The following FERMT3 variants were observed in gnomAD, a reference collection of about 807,000 sequenced individuals.
FERMT3 encodes the protein FERM domain containing kindlin 3.
In FERMT3, 33 loss-of-function variants were observed where a neutral mutation model predicts 80.8. That is an observed-to-expected ratio of 0.41 (90% confidence interval 0.31 to 0.55). The LOEUF is 0.55. Among genes scored for constraint, FERMT3 ranks in the 20% least tolerant of loss-of-function variants. FERMT3 has a pLI of 0.31. For missense variants in FERMT3, 754 were observed against 908.7 expected (o/e 0.83, Z 2.19); for synonymous variants, 375 against 372.2 (o/e 1.01, Z -0.09).
chr11:64,219,767 A>T lies in FERMT3; in HGVS notation c.1057A>T (p.Lys353Ter). The T allele has an allele frequency of 6.2e-7, 1 of 1,613,780 alleles. No individual in the cohort carries two copies. The highest frequency in any genetic ancestry group is 8.5e-7 in the Non-Finnish European group (1 of 1,179,776). The change falls in exon 9 of 15, where the codon AAG becomes TAG. Residue 353 changes from lysine (K) to a stop codon, truncating the protein, a stop_gained. Transcript: ENST00000345728. LOFTEE classifies it high-confidence loss of function. This position sits in a 1 kb window ranked among gnomAD's most constrained non-coding sequence, Gnocchi z 4.0. ...CAGCCTCACCACCATCCCAGAGCTC[A>T]AGGACCATCTCCGAATCTTTCGGTG... is the stretch of plus-strand genomic sequence containing the variant. ...LDSLTTIPEL[K>*]DHLRIFRPRK...
Position 64,211,605 on chromosome 11 carries a change from ACCTGGCGCAG to A in FERMT3, c.684-37_684-28del. 1 of 1,603,634 alleles carries A rather than the reference ACCTGGCGCAG, an allele frequency of 6.2e-7. No individual in the cohort carries two copies. Among genetic ancestry groups the A allele is most frequent in the South Asian group, 1.1e-5 (1 of 90,532 alleles). On this transcript the variant is annotated intron_variant, in intron 5 of 14. Transcript: ENST00000345728. This position sits in a 1 kb window ranked among gnomAD's most constrained non-coding sequence, Gnocchi z 4.7. ...GCCCCCCTCCCCACCCCACGGCCGT[ACCTGGCGCAG>A]CCCTGACTGCTGCTTCTGCCGCGGC...
intron 6 of FERMT3, among the ~76,000 whole-genome samples, chr11:64,216,795 CA>C (rs756054156): frequency 0.028 from 975 of 35,198 alleles, 3 homozygotes; most frequent in African/African-American, 0.086. Flanking sequence ...GACTCCATCT[CA>C]AAAAAAAAAA....
chr11:64,211,466 C>A lies in FERMT3; in HGVS notation c.683+23C>A. ...CAGGTGCACCCAGGAGCCACGCCCC[C>A]TGTGTCAGGGCTCCCCCACCCAGGA... On this transcript the variant is annotated intron_variant, in intron 5 of 14. Transcript: ENST00000345728. This position sits in a 1 kb window ranked among gnomAD's most constrained non-coding sequence, Gnocchi z 4.7. 6.4e-7 allele frequency: 1 copy of A among 1,565,664 alleles called. No individual in the cohort carries two copies.
At position 64,209,140 on chromosome 11, in the gene FERMT3, G is replaced by A. The variant is rs114487469; in HGVS notation, c.161-1471G>A. ...GAGTCCGTGTCCCCCAGCCCTGAGA[G>A]GTGGTGTAGGGAGCTGGTGAGGAGG... On this transcript the variant is annotated intron_variant, in intron 2 of 14. Transcript: ENST00000345728. Among the ~76,000 whole-genome samples, 611 of 152,308 alleles carry A rather than the reference G, an allele frequency of 4.0e-3. 1 individual carries two copies. The highest frequency in any genetic ancestry group is 0.014 in the African/African-American group (573 of 41,560).
intron 13 of FERMT3, among the ~76,000 whole-genome samples, chr11:64,222,273 AAATAAAT>A: frequency 6.7e-6 from 1 of 149,092 alleles, no homozygotes; most frequent in East Asian, 2.0e-4. Context: ...ATAAATAAAT[AAATAAAT>A]AAAAGAGCCT....
chr11:64,221,731 A>G (rs761756522), intron 13 of FERMT3, among the ~76,000 whole-genome samples: 7 of 144,152 alleles, frequency 4.9e-5, no homozygotes, highest in Non-Finnish European at 1.1e-4. Flanking sequence ...GTTCAAGAGC[A>G]GCCTGGCCAA....
intron 6 of FERMT3, among the ~76,000 whole-genome samples, chr11:64,215,673 A>C (rs1187769564): frequency 2.0e-5 from 3 of 152,112 alleles, no homozygotes; most frequent in Non-Finnish European, 4.4e-5. Context: ...TCCTGGGCTC[A>C]AGCAATCTTC....
Position 64,223,127 on chromosome 11 carries a change from G to A in FERMT3, c.1750G>A (p.Val584Met), listed in dbSNP as rs373812392. The A allele has an allele frequency of 6.0e-5, 97 of 1,613,864 alleles. No individual in the cohort carries two copies. The highest frequency in any genetic ancestry group is 1.6e-4 in the Middle Eastern group (1 of 6,084). ...CCGCATCGACTTGGCCGTGGGCGAC[G>A]TGGTCAAGACCTGGCGTTTCAGCAA... The part of the protein sequence containing the change: ...LIRIDLAVGD[V>M]VKTWRFSNMR... The change falls in exon 14 of 15, where the codon GTG (valine) becomes ATG (methionine). Residue 584 changes from valine to methionine, a missense_variant. Val to Met is a conservative substitution (Grantham distance 21). Transcript: ENST00000345728.
At position 64,221,023 on chromosome 11, in the gene FERMT3, C is replaced by T. The variant is rs1213154523; in HGVS notation, c.1553C>T (p.Pro518Leu). Residue 518 changes from proline (P) to leucine (L), a missense_variant, in exon 13 of 15, where the codon CCA becomes CTA. Physicochemically the swap from Pro to Leu is moderately conservative, Grantham distance 98. Coordinates refer to ENST00000345728, the MANE Select transcript of FERMT3 (RefSeq NM_031471.6). The part of the protein sequence containing the change: ...QRKFKAKQLT[P>L]RILEAHQNVA... ...ACCAGTATGGTCCCGCAGCTCACCCCACGGATCCTGGAAGCCCACCAGAAT... is the reference window on the plus strand; with the variant it reads ...ACCAGTATGGTCCCGCAGCTCACCCTACGGATCCTGGAAGCCCACCAGAAT... 6.2e-7 allele frequency: 1 copy of T among 1,612,358 alleles called. No homozygotes were observed. The highest frequency in any genetic ancestry group is 1.3e-5 in the African/African-American group (1 of 74,940).
At chr11:64,212,491 C>T (rs1230345058) in intron 6 of FERMT3, among the ~76,000 whole-genome samples, 1 of 152,212 alleles carries the variant, frequency 6.6e-6, no homozygotes, top group Non-Finnish European at 1.5e-5. Flanking sequence ...ACCATCCACA[C>T]GTGAGAAGTG....
chr11:64,216,538 TG>T (rs1946555198), intron 6 of FERMT3, among the ~76,000 whole-genome samples: 1 of 143,120 alleles, frequency 7.0e-6, no homozygotes, highest in Admixed American at 6.9e-5. Flanking sequence ...GGCTCACGCC[TG>T]TAATCCCAGC....
chr11:64,210,288 A>AG lies in FERMT3; in HGVS notation c.161-318dup. Among the ~76,000 whole-genome samples, 1 of 142,886 alleles carries AG rather than the reference A, an allele frequency of 7.0e-6. No homozygotes were observed. Among genetic ancestry groups the AG allele is most frequent in the East Asian group, 1.9e-4 (1 of 5,170 alleles). 93.7% of individuals were successfully genotyped at this position (142,886 alleles called of 152,430 possible). A position where few individuals can be genotyped will look rare whatever the true frequency, so the allele number is the denominator to read the frequency against. Reference sequence around the variant, plus strand: ...TAAACCGTGGATTATGGGAGGACAGAGGGGGCGTCATGTGGAGGGAGCCCA... The same window carrying AG: ...TAAACCGTGGATTATGGGAGGACAGAGGGGGGCGTCATGTGGAGGGAGCCCA... On this transcript the variant is annotated intron_variant, in intron 2 of 14. Coordinates refer to ENST00000345728, the MANE Select transcript of FERMT3 (RefSeq NM_031471.6). The surrounding 1 kb of genome is among the most constrained non-coding windows in gnomAD (Gnocchi z 4.3).
rs536991493 is a variant in FERMT3, at chr11:64,220,682, G to A, written c.1545+13G>A. On this transcript the variant is annotated intron_variant, in intron 12 of 14. Coordinates refer to ENST00000345728, the MANE Select transcript of FERMT3 (RefSeq NM_031471.6). ...CAAGGCCAAGCAGGTACCAGAAGGC[G>A]TCAGGGTGGGAATGAGCATAGTGTT... The A allele has an allele frequency of 5.0e-5, 80 of 1,601,116 alleles. 3 individuals are homozygous for A. The highest frequency in any genetic ancestry group is 2.5e-4 in the South Asian group (22 of 89,736).
intron 6 of FERMT3, among the ~76,000 whole-genome samples, chr11:64,216,745 G>A (rs1012641073): frequency 1.4e-5 from 2 of 141,428 alleles, no homozygotes; most frequent in South Asian, 4.6e-4. Context: ...GCAGTGAGCC[G>A]AGATCACGCC....
At position 64,219,446 on chromosome 11, in the gene FERMT3, C is replaced by CAGGGAAGCCCGGCCTGG; in HGVS notation, c.895-77_895-61dup. ...GGCCTTCCTGAGTGGGGGCTACCTC[C>CAGGGAAGCCCGGCCTGG]AGGGAAGCCCGGCCTGGGGGTACTG... On this transcript the variant is annotated intron_variant, in intron 7 of 14. Coordinates refer to ENST00000345728, the MANE Select transcript of FERMT3 (RefSeq NM_031471.6). The surrounding 1 kb of genome is among the most constrained non-coding windows in gnomAD (Gnocchi z 4.0). The CAGGGAAGCCCGGCCTGG allele has an allele frequency of 6.4e-7, 1 of 1,558,116 alleles. No homozygotes were observed. Among genetic ancestry groups the CAGGGAAGCCCGGCCTGG allele is most frequent in the Non-Finnish European group, 8.7e-7 (1 of 1,151,478 alleles).
intron 6 of FERMT3, among the ~76,000 whole-genome samples, chr11:64,212,668 A>G (rs1293366350): frequency 6.7e-6 from 1 of 149,664 alleles, no homozygotes; most frequent in Non-Finnish European, 1.5e-5. Flanking sequence ...GCCTCTCCCC[A>G]AGCCACTCTG....
intron 1 of FERMT3, 123 bp from the exon 2 acceptor site, chr11:64,207,228 C>T: frequency 8.5e-7 from 1 of 1,176,566 alleles, no homozygotes; most frequent in Middle Eastern, 2.8e-4. Context: ...TGGGTGCTCA[C>T]TCCCGCCCTC....
At chr11:64,220,750 T>A (rs962962260) in intron 12 of FERMT3, 81 bp downstream of exon 12, 1 of 1,388,050 alleles carries the variant, frequency 7.2e-7, no homozygotes, top group Non-Finnish European at 1.0e-6. Context: ...AGAGCCTTCC[T>A]CAGGAAAGCT....
In FERMT3 at chr11:64,211,335, A is replaced by G; in HGVS notation, c.575A>G (p.Glu192Gly). Residue 192 changes from glutamate to glycine, a missense_variant, in exon 5 of 15, where the codon GAG becomes GGG. Physicochemically the swap from Glu to Gly is moderately conservative, Grantham distance 98 (BLOSUM62 -2). Transcript: ENST00000345728. The surrounding 1 kb of genome is among the most constrained non-coding windows in gnomAD (Gnocchi z 4.7). ...PAHFSDSAQT[E>G]ACYHMLSRPQ... ...CACTTCTCGGACAGCGCCCAGACTG[A>G]GGCCTGCTACCACATGCTGAGCCGG... The G allele has an allele frequency of 3.1e-6, 5 of 1,613,010 alleles. No homozygotes were observed. Among genetic ancestry groups the G allele is most frequent in the Non-Finnish European group, 4.2e-6 (5 of 1,179,802 alleles).
Sources: gnomAD v4.1 joint callset for allele counts (sites outside exome capture counted in the v4.1 genomes callset) on GRCh38, gnomAD v4.1.1 for gene constraint, Gnocchi (gnomAD v3.1) non-coding constraint, MANE v1.5 for transcripts, NCBI Gene and HGNC (gene_info 2026-07-23, HGNC 2026-07-21) for gene names.